Variants in SLCO5A1 observed in about 807,000 individuals in gnomAD.
SLCO5A1 encodes organic anion transporter polypeptide-related protein 4.
SLCO5A1 carries 39 observed loss-of-function variants against 65.1 expected under a neutral mutation model. That is an observed-to-expected ratio of 0.60 (90% CI 0.46 to 0.78). The LOEUF is 0.78. Ranked by LOEUF, SLCO5A1 falls within the 30% of genes least tolerant of loss-of-function variation. The pLI is 0.00. For synonymous variants in SLCO5A1, 438 were observed against 415.7 expected, an observed-to-expected ratio of 1.05 and a Z score of -0.65; for missense variants, 1,029 against 1,069.4, an observed-to-expected ratio of 0.96 and a Z score of 0.53.
rs1280026083 is a variant in SLCO5A1 at position 69,672,136 on chromosome 8, C to G, written c.*733G>C. ...ATACTGGAGTTTATATTTAAGCTAT[C>G]AGATTTATGATTCAGCAGCCTCTTT... On this transcript the variant is annotated 3_prime_UTR_variant, in exon 10 of 10. Transcript: ENST00000260126. 1 of 152,230 alleles carries G rather than the reference C, an allele frequency of 6.6e-6. No individual in the cohort carries two copies. Among genetic ancestry groups the G allele is most frequent in the Admixed American group, 6.5e-5 (1 of 15,286 alleles). The allele number at this position is 152,230 out of a possible 1,614,324, so 9.4% of individuals were successfully genotyped here.
chr8:69,702,255 T>C (rs1421549546), intron 6 of SLCO5A1, among the ~76,000 whole-genome samples: 1 of 152,254 alleles, frequency 6.6e-6, no homozygotes, highest in Non-Finnish European at 1.5e-5. Flanking sequence ...CTGAGAGCTT[T>C]ACATGTGTTA....
intron 4 of SLCO5A1, among the ~76,000 whole-genome samples, chr8:69,747,210 C>T (rs902620960): frequency 9.2e-5 from 14 of 152,128 alleles, no homozygotes; most frequent in Non-Finnish European, 1.8e-4. Context: ...ATTCTACCAG[C>T]GGTATTAACC....
intron 4 of SLCO5A1, among the ~76,000 whole-genome samples, chr8:69,750,194 A>G (rs916008290): frequency 1.3e-5 from 2 of 152,148 alleles, no homozygotes; most frequent in African/African-American, 4.8e-5. Flanking sequence ...GCTTTGAGCA[A>G]AGGATTGGCA....
chr8:69,800,828 T>C (rs1424346389), intron 2 of SLCO5A1, among the ~76,000 whole-genome samples: 1 of 152,162 alleles, frequency 6.6e-6, no homozygotes, highest in Non-Finnish European at 1.5e-5. Context: ...GAAAAGGGTG[T>C]TCCCCTGGCA....
At position 69,672,769 on chromosome 8, in the gene SLCO5A1, A is replaced by T; in HGVS notation, c.*100T>A. 2 of 1,282,980 alleles carry T rather than the reference A, an allele frequency of 1.6e-6. No homozygotes were observed. Among genetic ancestry groups the T allele is most frequent in the Non-Finnish European group, 2.1e-6 (2 of 950,306 alleles). The allele number at this position is 1,282,980 out of a possible 1,614,324, so 79.5% of individuals were successfully genotyped here. On this transcript the variant is annotated 3_prime_UTR_variant, in exon 10 of 10. Coordinates refer to ENST00000260126, the MANE Select transcript of SLCO5A1 (RefSeq NM_030958.3). ...TTGTTGGTTTGAGGATTGTGTCTGT[A>T]GAGGTTAAAAAAAAGAAAGAAAGAA...
chr8:69,705,929 C>A lies in SLCO5A1; in HGVS notation c.1424-700G>T, dbSNP rs4737290. On this transcript the variant is annotated intron_variant, in intron 5 of 9. Coordinates refer to ENST00000260126, the MANE Select transcript of SLCO5A1 (RefSeq NM_030958.3). ...TATACATGCCCTGTGGCAATCAATTCCATTCTTGGATCTATACCCTGAAGA... is the reference window on the plus strand; with the variant it reads ...TATACATGCCCTGTGGCAATCAATTACATTCTTGGATCTATACCCTGAAGA... Among the ~76,000 whole-genome samples the A allele has an allele frequency of 7.5e-3, 1,147 of 152,262 alleles. 33 individuals carry two copies. The East Asian group carries it at 0.082, about 11-fold the overall frequency.
intron 2 of SLCO5A1, among the ~76,000 whole-genome samples, chr8:69,765,261 CAT>C (rs1818007110): frequency 6.6e-6 from 1 of 151,676 alleles, no homozygotes; most frequent in African/African-American, 2.4e-5. Flanking sequence ...TATACAACTA[CAT>C]ATATGTGTAT....
Position 69,679,312 on chromosome 8 carries a change from C to T in SLCO5A1, c.2024+66G>A, listed in dbSNP as rs927555982. ...CTGATTTACCACATAAGCCCCTTGT[C>T]CTGGATTATGTGCTCTGGAAATTAT... On this transcript the variant is annotated intron_variant, in intron 8 of 9. Coordinates refer to ENST00000260126, the MANE Select transcript of SLCO5A1 (RefSeq NM_030958.3). 21 of 1,594,768 alleles carry T rather than the reference C, an allele frequency of 1.3e-5. No homozygotes were observed. In the Admixed American group the frequency reaches 3.0e-4, roughly 23 times the overall value.
chr8:69,757,604 A>G (rs1215934510), intron 3 of SLCO5A1, among the ~76,000 whole-genome samples: 1 of 152,180 alleles, frequency 6.6e-6, no homozygotes, highest in African/African-American at 2.4e-5. Flanking sequence ...GCTTGAACCC[A>G]GGAGGCAGAG....
Position 69,705,179 on chromosome 8 carries a change from T to C in SLCO5A1, c.1474A>G (p.Ile492Val), listed in dbSNP as rs902495003. 6.2e-7 allele frequency: 1 copy of C among 1,614,206 alleles called. No individual in the cohort carries two copies. Among genetic ancestry groups the C allele is most frequent in the Non-Finnish European group, 8.5e-7 (1 of 1,180,040 alleles). Residue 492 changes from isoleucine (I) to valine (V), a missense_variant, in exon 6 of 10, where the codon ATT becomes GTT. Transcript: ENST00000260126. ...GCACCAAGTTTCAATTTTTTTATAA[T>C]GTAGCCTCCGAGGACAATACCAACA... is the stretch of plus-strand genomic sequence containing the variant. ...AGVGIVLGGY[I>V]IKKLKLGARE...
In SLCO5A1 at chr8:69,726,563, G is replaced by A. The variant is rs138465921; in HGVS notation, c.1423+11477C>T. Among the ~76,000 whole-genome samples the A allele has an allele frequency of 5.3e-3, 790 of 149,324 alleles. 6 individuals carry two copies. Among genetic ancestry groups the A allele is most frequent in the African/African-American group, 0.019 (750 of 40,198 alleles). ...TGCCCAGGCTGGAGTGCAGTGGTGCGATCTCGGCTCACTGCAACCTCTGTC... is the reference window on the plus strand; with the variant it reads ...TGCCCAGGCTGGAGTGCAGTGGTGCAATCTCGGCTCACTGCAACCTCTGTC... On this transcript the variant is annotated intron_variant, in intron 5 of 9. Transcript: ENST00000260126.
intron 6 of SLCO5A1, among the ~76,000 whole-genome samples, chr8:69,703,704 G>A (rs1814848406): frequency 6.6e-6 from 1 of 152,184 alleles, no homozygotes; most frequent in Non-Finnish European, 1.5e-5. Flanking sequence ...TGGTGCACTG[G>A]AGGCAGCCAC....
intron 5 of SLCO5A1, among the ~76,000 whole-genome samples, chr8:69,718,035 G>A (rs1019028888): frequency 2.0e-5 from 3 of 152,072 alleles, no homozygotes; most frequent in African/African-American, 7.2e-5. Flanking sequence ...CTGAAATTTT[G>A]TGTCTTGTGA....
chr8:69,700,046 T>C (rs993780148), intron 6 of SLCO5A1, among the ~76,000 whole-genome samples: 1 of 152,200 alleles, frequency 6.6e-6, no homozygotes, highest in Non-Finnish European at 1.5e-5. Context: ...CAGTGAGCCA[T>C]GATCGTGCCA....
At chr8:69,811,664 T>C (rs1820209614) in intron 2 of SLCO5A1, among the ~76,000 whole-genome samples, 1 of 152,244 alleles carries the variant, frequency 6.6e-6, no homozygotes, top group Non-Finnish European at 1.5e-5. Flanking sequence ...CAAGAAGAGC[T>C]GTACCCTGCC....
chr8:69,727,701 T>G (rs1816145749), intron 5 of SLCO5A1, among the ~76,000 whole-genome samples: 1 of 152,248 alleles, frequency 6.6e-6, no homozygotes, highest in Admixed American at 6.5e-5. Context: ...AGATGTCAAT[T>G]TGCTTTGGAT....
chr8:69,693,145 T>C (rs1259447497), intron 6 of SLCO5A1, among the ~76,000 whole-genome samples: 1 of 152,224 alleles, frequency 6.6e-6, no homozygotes, highest in African/African-American at 2.4e-5. Flanking sequence ...ATTGTATATG[T>C]CCATCATTGA....
In SLCO5A1 at chr8:69,761,885, CAGAA is replaced by C. The variant is rs1253588511; in HGVS notation, c.908-14_908-11del. 1 of 1,610,080 alleles carries C rather than the reference CAGAA, an allele frequency of 6.2e-7. No homozygotes were observed. Among genetic ancestry groups the C allele is most frequent in the Non-Finnish European group, 8.5e-7 (1 of 1,179,302 alleles). ...ATGACATACATGATGGCTGAGAAGA[CAGAA>C]GGGGAAATGTGAAATACAGCGACGT... On this transcript the variant is annotated splice_polypyrimidine_tract_variant and intron_variant, in intron 2 of 9. Transcript: ENST00000260126.
chr8:69,745,896 T>A (rs964183248), intron 4 of SLCO5A1, among the ~76,000 whole-genome samples: 1 of 152,238 alleles, frequency 6.6e-6, no homozygotes, highest in Non-Finnish European at 1.5e-5. Context: ...GAAATGGGAT[T>A]GGAATTCACT....
Sources: allele counts gnomAD v4.1 joint callset (sites outside exome capture counted in the v4.1 genomes callset), GRCh38; gene constraint gnomAD v4.1.1; transcripts MANE v1.5; gene names NCBI Gene and HGNC (gene_info 2026-07-23, HGNC 2026-07-21).